Variants in MYC observed in about 807,000 individuals in gnomAD.
MYC encodes myc proto-oncogene protein.
MYC carries 1 observed loss-of-function variant against 30.5 expected under a neutral mutation model. The ratio of observed to expected loss-of-function variants is 0.03; its 90% CI spans 0.01 to 0.16. The LOEUF is 0.16. Among genes scored for constraint, MYC ranks in the 10% least tolerant of loss-of-function variants. The pLI, the probability that MYC is intolerant of heterozygous loss-of-function variation, is 1.00. For synonymous variants in MYC, 267 were observed against 250.7 expected, an observed-to-expected ratio of 1.07 and a Z score of -0.62; for missense variants, 508 against 589.0, an observed-to-expected ratio of 0.86 and a Z score of 1.42.
Position 127,741,879 on chromosome 8 carries a change from G to A in MYC, c.*921G>A. Among the ~76,000 whole-genome samples the A allele has an allele frequency of 6.6e-6, 1 of 152,230 alleles. No individual in the cohort carries two copies. The highest frequency in any genetic ancestry group is 1.5e-5 in the Non-Finnish European group (1 of 68,040). ...CCAGCTTCTGCTGCCTTCACAACCAGGCGCCAGTCCTGTCCATGGGTTATC... is the reference window on the plus strand; with the variant it reads ...CCAGCTTCTGCTGCCTTCACAACCAAGCGCCAGTCCTGTCCATGGGTTATC... On this transcript the variant is annotated 3_prime_UTR_variant, in exon 3 of 3. Coordinates refer to ENST00000621592, the MANE Select transcript of MYC (RefSeq NM_002467.6).
In MYC at chr8:127,738,985, T is replaced by A. The variant is rs779748283; in HGVS notation, c.768T>A (p.His256Gln). 9 of 1,539,790 alleles carry A rather than the reference T, an allele frequency of 5.8e-6. No individual in the cohort carries two copies. In the South Asian group the frequency reaches 1.1e-4, roughly 19 times the overall value. Residue 256 changes from histidine (H) to glutamine (Q), a missense_variant, in exon 2 of 3, where the codon CAT (histidine) becomes CAA (glutamine). Coordinates refer to ENST00000621592, the MANE Select transcript of MYC (RefSeq NM_002467.6). The surrounding 1 kb of genome is among the most constrained non-coding windows in gnomAD (Gnocchi z 7.6). ...GCAGCCCCGAGCCCCTGGTGCTCCA[T>A]GAGGAGACACCGCCCACCACCAGCA... is the stretch of plus-strand genomic sequence containing the variant.
At chr8:127,739,763 C>T (rs1813676680) in intron 2 of MYC, among the ~76,000 whole-genome samples, 1 of 151,916 alleles carries the variant, frequency 6.6e-6, no homozygotes, top group Admixed American at 6.6e-5. Flanking sequence ...TTGGTAAAGT[C>T]CCTCAAAAAT....
At position 127,741,755 on chromosome 8, in the gene MYC, G is replaced by A. The variant is rs890742830; in HGVS notation, c.*797G>A. 6.6e-6 allele frequency among the ~76,000 whole-genome samples: 1 copy of A among 152,198 alleles called. No homozygotes were observed. The highest frequency in any genetic ancestry group is 2.4e-5 in the African/African-American group (1 of 41,454). On this transcript the variant is annotated 3_prime_UTR_variant, in exon 3 of 3. Coordinates refer to ENST00000621592, the MANE Select transcript of MYC (RefSeq NM_002467.6). ...ATAAGGACTGGGGAGTTGGGAGGAAGGTGAGGAAGAAACTCCTGTTACTTT... is the reference window on the plus strand; with the variant it reads ...ATAAGGACTGGGGAGTTGGGAGGAAAGTGAGGAAGAAACTCCTGTTACTTT...
rs989981761 is a variant in MYC at position 127,741,417 on chromosome 8, CATT to C, written c.*460_*462del. The C allele has an allele frequency of 1.3e-5, 3 of 223,470 alleles. No individual in the cohort carries two copies. Among genetic ancestry groups the C allele is most frequent in the Non-Finnish European group, 2.7e-5 (3 of 112,016 alleles). 13.8% of individuals were successfully genotyped at this position (223,470 alleles called of 1,614,324 possible). On this transcript the variant is annotated 3_prime_UTR_variant, in exon 3 of 3. Coordinates refer to ENST00000621592, the MANE Select transcript of MYC (RefSeq NM_002467.6). ...AAAATAAAATAACTGGCAAATATATCATTGAGCCAAATCTTAAGTTGTGAATGT... is the reference window on the plus strand; with the variant it reads ...AAAATAAAATAACTGGCAAATATATCGAGCCAAATCTTAAGTTGTGAATGT...
chr8:127,740,366 A>G, intron 2 of MYC, 30 bp from the exon 3 acceptor site: 1 of 1,595,820 alleles, frequency 6.3e-7, no homozygotes, highest in Non-Finnish European at 8.6e-7. Flanking sequence ...AACCTTGCTA[A>G]AGGAGTGATT....
At position 127,736,571 on chromosome 8, in the gene MYC, C is replaced by T. The variant is rs373577293; in HGVS notation, c.-23C>T. On this transcript the variant is annotated 5_prime_UTR_variant, in exon 1 of 3. Transcript: ENST00000621592. ...TGCCAGGACCCGCTTCTCTGAAAGG[C>T]TCTCCTTGCAGCTGCTTAGACGCTG... The T allele has an allele frequency of 4.8e-5, 78 of 1,614,126 alleles. No homozygotes were observed. In the African/African-American group the frequency reaches 6.8e-4, roughly 14 times the overall value.
chr8:127,736,499 C>A lies in MYC; in HGVS notation c.-95C>A. On this transcript the variant is annotated 5_prime_UTR_variant, in exon 1 of 3. Transcript: ENST00000621592. ...CACCCGAGCAAGGACGCGACTCTCCCGACGCGGGGAGGCTATTCTGCCCAT... is the reference window on the plus strand; with the variant it reads ...CACCCGAGCAAGGACGCGACTCTCCAGACGCGGGGAGGCTATTCTGCCCAT... 2.1e-6 allele frequency: 3 copies of A among 1,415,682 alleles called. No individual in the cohort carries two copies. The South Asian group carries it at 3.6e-5, about 17-fold the overall frequency. The allele number at this position is 1,415,682 out of a possible 1,614,324, so 87.7% of individuals were successfully genotyped here.
At chr8:127,737,516 C>A (rs1180844149) in intron 1 of MYC, among the ~76,000 whole-genome samples, 1 of 152,088 alleles carries the variant, frequency 6.6e-6, no homozygotes, top group South Asian at 2.1e-4. Flanking sequence ...GGGTCTCTGG[C>A]GCAGTTGCAT....
Position 127,736,265 on chromosome 8 carries a change from G to A in MYC, c.-329G>A, listed in dbSNP as rs1175073171. On this transcript the variant is annotated 5_prime_UTR_variant, in exon 1 of 3. Transcript: ENST00000621592. ...TAGTAATTCCAGCGAGAGGCAGAGG[G>A]AGCGAGCGGGCGGCCGGCTAGGGTG... The A allele has an allele frequency of 3.7e-6, 2 of 544,700 alleles. No homozygotes were observed. Among genetic ancestry groups the A allele is most frequent in the African/African-American group, 1.9e-5 (1 of 52,710 alleles). The allele number at this position is 544,700 out of a possible 1,614,324, so 33.7% of individuals were successfully genotyped here.
Position 127,736,315 on chromosome 8 carries a change from G to A in MYC, c.-279G>A. On this transcript the variant is annotated 5_prime_UTR_variant, in exon 1 of 3. Coordinates refer to ENST00000621592, the MANE Select transcript of MYC (RefSeq NM_002467.6). Reference sequence around the variant, plus strand: ...GGAAGAGCCGGGCGAGCAGAGCTGCGCTGCGGGCGTCCTGGGAAGGGAGAT... The same window carrying A: ...GGAAGAGCCGGGCGAGCAGAGCTGCACTGCGGGCGTCCTGGGAAGGGAGAT... 1 of 586,012 alleles carries A rather than the reference G, an allele frequency of 1.7e-6. No individual in the cohort carries two copies. Among genetic ancestry groups the A allele is most frequent in the Non-Finnish European group, 3.0e-6 (1 of 331,070 alleles). The allele number at this position is 586,012 out of a possible 1,614,324, so 36.3% of individuals were successfully genotyped here.
At chr8:127,736,756 T>C (rs935427530) in intron 1 of MYC, 133 bp downstream of exon 1, 1 of 1,036,398 alleles carries the variant, frequency 9.6e-7, no homozygotes, top group African/African-American at 1.6e-5. Flanking sequence ...GTAGTTATGG[T>C]AACTGGGGCT....
rs757596863 is a variant in MYC, at chr8:127,738,316, G to A, written c.99G>A (p.Ser33=). The stretch of plus-strand genomic sequence containing the variant: ...GGAACTATGACCTCGACTACGACTC[G>A]GTGCAGCCGTATTTCTACTGCGACG... Residue 33 remains serine (S), a synonymous_variant, in exon 2 of 3, where the codon TCG becomes TCA. Transcript: ENST00000621592. The surrounding 1 kb of genome is among the most constrained non-coding windows in gnomAD (Gnocchi z 7.6). The A allele has an allele frequency of 3.1e-6, 5 of 1,612,626 alleles. No individual in the cohort carries two copies. In the African/African-American group the frequency reaches 6.7e-5, roughly 22 times the overall value.
chr8:127,741,022 T>G lies in MYC; in HGVS notation c.*64T>G, dbSNP rs1813703189. 7.1e-7 allele frequency: 1 copy of G among 1,416,644 alleles called. No homozygotes were observed. Among genetic ancestry groups the G allele is most frequent in the African/African-American group, 1.4e-5 (1 of 70,238 alleles). 87.8% of individuals were successfully genotyped at this position (1,416,644 alleles called of 1,614,324 possible). The stretch of plus-strand genomic sequence containing the variant: ...CCTGAGCAATCACCTATGAACTTGT[T>G]TCAAATGCATGATCAAATGCAACCT... On this transcript the variant is annotated 3_prime_UTR_variant, in exon 3 of 3. Transcript: ENST00000621592.
intron 1 of MYC, 80 bp downstream of exon 1, chr8:127,736,703 G>T: frequency 6.8e-7 from 1 of 1,480,248 alleles, no homozygotes; most frequent in Non-Finnish European, 9.3e-7. Context: ...CCTAAATAGG[G>T]TGTCTTTTCT....
chr8:127,736,144 G>A (rs2130082235), upstream of MYC: 2 of 451,116 alleles, frequency 4.4e-6, no homozygotes, highest in Middle Eastern at 5.7e-4. Context: ...GCCTCGAGAA[G>A]GGCAGGGCTT....
chr8:127,735,847 GTAGTTAAT>G (rs1461517980), upstream of MYC: 1 of 398,834 alleles, frequency 2.5e-6, no homozygotes, highest in African/African-American at 2.1e-5. Flanking sequence ...GTAGGCGCGC[GTAGTTAAT>G]TCATGCGGCT....
upstream of MYC, chr8:127,736,089 C>G: frequency 2.3e-6 from 1 of 425,908 alleles, no homozygotes. Context: ...CTGTGCTGCT[C>G]GCGGCCGCCA....
intron 1 of MYC, among the ~76,000 whole-genome samples, chr8:127,737,131 G>T (rs1813606248): frequency 6.6e-6 from 1 of 152,276 alleles, no homozygotes; most frequent in African/African-American, 2.4e-5. Flanking sequence ...AGCCGGAGAC[G>T]GACACTGCGG....
rs1353674635 is a variant in MYC, at chr8:127,742,526, T to C, written c.*1568T>C. Among the ~76,000 whole-genome samples the C allele has an allele frequency of 6.6e-6, 1 of 152,222 alleles. No individual in the cohort carries two copies. Among genetic ancestry groups the C allele is most frequent in the East Asian group, 1.9e-4 (1 of 5,198 alleles). ...TTATTTTGTTGTTCATTGTTTAATT[T>C]TTCCTTTTACAATGAGAAGGTCACC... is the stretch of plus-strand genomic sequence containing the variant. On this transcript the variant is annotated 3_prime_UTR_variant, in exon 3 of 3. Transcript: ENST00000621592.
Sources: allele counts gnomAD v4.1 joint callset (sites outside exome capture counted in the v4.1 genomes callset), GRCh38; gene constraint gnomAD v4.1.1; non-coding constraint Gnocchi (gnomAD v3.1); transcripts MANE v1.5; gene names NCBI Gene and HGNC (gene_info 2026-07-23, HGNC 2026-07-21).